The following IGF1 variants were observed in gnomAD, a reference collection of about 807,000 sequenced individuals.
The protein encoded by IGF1 is insulin-like growth factor 1.
Under a neutral mutation model 13.8 loss-of-function variants are expected in IGF1, and 4 were observed. The observed-to-expected ratio is 0.29, with a 90% confidence interval of 0.14 to 0.66. The LOEUF (loss-of-function observed/expected upper bound fraction) is 0.66. IGF1 is among the 30% of genes least tolerant of loss of function. The pLI is 0.78. For missense variants in IGF1, 124 were observed against 188.5 expected (o/e 0.66, Z 2.00); for synonymous variants, 76 against 72.6 (o/e 1.05, Z -0.23).
rs1873175422 is a variant in IGF1, at chr12:102,396,288, A to T, written c.*6219T>A. ...GTTCATTAACTCTTTTACCAAAAAG[A>T]TCTGACATGGTATTTGGGGCCTTTA... is the stretch of plus-strand genomic sequence containing the variant. On this transcript the variant is annotated 3_prime_UTR_variant, in exon 4 of 4. Coordinates refer to ENST00000337514, the MANE Select transcript of IGF1 (RefSeq NM_000618.5). 1 of 152,204 alleles carries T rather than the reference A, an allele frequency of 6.6e-6. No homozygotes were observed. The highest frequency in any genetic ancestry group is 1.5e-5 in the Non-Finnish European group (1 of 68,026). 9.4% of individuals were successfully genotyped at this position (152,204 alleles called of 1,614,324 possible).
chr12:102,419,746 C>T lies in IGF1; in HGVS notation c.221-56G>A. On this transcript the variant is annotated intron_variant, in intron 2 of 3. Transcript: ENST00000337514. ...TAGGGTGCAATCTGCTTTCTTCAGT[C>T]TTCCACCCAGCTCCTGCCTCTCCCC... 4 of 1,566,508 alleles carry T rather than the reference C, an allele frequency of 2.6e-6. No individual in the cohort carries two copies. In the Admixed American group the frequency reaches 5.0e-5, roughly 20 times the overall value.
At chr12:102,426,239 ACTC>A (rs1876191468) in intron 2 of IGF1, among the ~76,000 whole-genome samples, 1 of 152,184 alleles carries the variant, frequency 6.6e-6, no homozygotes, top group African/African-American at 2.4e-5. Flanking sequence ...TTGGCAAAGG[ACTC>A]AACCTTCTAA....
intron 2 of IGF1, among the ~76,000 whole-genome samples, chr12:102,443,459 T>C (rs1373924591): frequency 2.6e-5 from 4 of 152,102 alleles, no homozygotes; most frequent in African/African-American, 7.2e-5. Flanking sequence ...TTGCTGGGTC[T>C]TGAAGATTTT....
chr12:102,421,285 C>T (rs913531178), intron 2 of IGF1, among the ~76,000 whole-genome samples: 9 of 152,260 alleles, frequency 5.9e-5, no homozygotes, highest in Middle Eastern at 6.8e-3. Flanking sequence ...ATGGCTGTGG[C>T]ATTTGGGAGG....
chr12:102,407,399 G>A (rs1874269158), intron 3 of IGF1, among the ~76,000 whole-genome samples: 1 of 152,206 alleles, frequency 6.6e-6, no homozygotes, highest in Non-Finnish European at 1.5e-5. Context: ...GCTGGGGATT[G>A]TAGTATGTAT....
chr12:102,441,945 T>TCTTCTCCTTCTCCTTCTCCTTCTC (rs1877853329), intron 2 of IGF1, among the ~76,000 whole-genome samples: 1 of 141,968 alleles, frequency 7.0e-6, no homozygotes, highest in Admixed American at 7.7e-5. Flanking sequence ...TTCTTCTTCT[T>TCTTCTCCTTCTCCTTCTCCTTCTC]CTTCTTCTTC....
At chr12:102,475,073 T>C (rs1880930222) in intron 2 of IGF1, among the ~76,000 whole-genome samples, 1 of 152,090 alleles carries the variant, frequency 6.6e-6, no homozygotes, top group South Asian at 2.1e-4. Context: ...GGCATTTCAG[T>C]TTGCATTTAG....
chr12:102,463,504 TA>T, intron 2 of IGF1: 1 of 152,348 alleles, frequency 6.6e-6, no homozygotes, highest in Non-Finnish European at 1.5e-5. Context: ...ATTTCTTTTG[TA>T]AGCCTCCAAT....
chr12:102,418,380 A>C (rs1052100082), intron 3 of IGF1, among the ~76,000 whole-genome samples: 2 of 152,220 alleles, frequency 1.3e-5, no homozygotes, highest in Non-Finnish European at 2.9e-5. Context: ...TCCATCCTTC[A>C]GAGGGGCTCC....
chr12:102,400,793 A>G lies in IGF1; in HGVS notation c.*1714T>C. On this transcript the variant is annotated 3_prime_UTR_variant, in exon 4 of 4. Transcript: ENST00000337514. ...GAAGAGTCAGTGAGTGCTAACAAAG[A>G]GTAATTAATTCCCCTTTCACTGGTA... 1 of 152,214 alleles carries G rather than the reference A, an allele frequency of 6.6e-6. No homozygotes were observed. Among genetic ancestry groups the G allele is most frequent in the East Asian group, 1.9e-4 (1 of 5,200 alleles). 9.4% of individuals were successfully genotyped at this position (152,214 alleles called of 1,614,324 possible). A position where few individuals can be genotyped will look rare whatever the true frequency, so the allele number is the denominator to read the frequency against.
intron 2 of IGF1, among the ~76,000 whole-genome samples, chr12:102,440,709 G>A (rs138033971): frequency 1.5e-3 from 225 of 152,278 alleles, no homozygotes; most frequent in Non-Finnish European, 2.1e-3. Context: ...ATTTCTGGCA[G>A]CATTATTCAA....
At chr12:102,436,826 A>G (rs1877276196) in intron 2 of IGF1, among the ~76,000 whole-genome samples, 1 of 152,228 alleles carries the variant, frequency 6.6e-6, no homozygotes, top group Non-Finnish European at 1.5e-5. Context: ...CATAAGTGGC[A>G]GGAAGAAGGC....
chr12:102,474,406 C>T (rs1237283869), intron 2 of IGF1, among the ~76,000 whole-genome samples: 3 of 152,210 alleles, frequency 2.0e-5, no homozygotes, highest in African/African-American at 7.2e-5. Context: ...GATTTAAAAA[C>T]TATTTGTTGC....
intron 3 of IGF1, among the ~76,000 whole-genome samples, chr12:102,418,168 C>T (rs1012965096): frequency 9.9e-5 from 15 of 152,224 alleles, no homozygotes; most frequent in African/African-American, 3.6e-4. Context: ...AACTTTGGGA[C>T]TCATCTCTTG....
intron 3 of IGF1, chr12:102,417,934 C>T (rs1875303063): frequency 6.2e-7 from 1 of 1,613,826 alleles, no homozygotes; most frequent in Non-Finnish European, 8.5e-7. Flanking sequence ...TGTTCCCCTC[C>T]TGGATGTGTC....
chr12:102,470,814 A>G (rs1254471432), intron 2 of IGF1, among the ~76,000 whole-genome samples: 1 of 152,218 alleles, frequency 6.6e-6, no homozygotes, highest in African/African-American at 2.4e-5. Context: ...TTGAAAAGGT[A>G]ATAGGCTGGG....
chr12:102,480,653 C>T (rs1592844151), upstream of IGF1: 3 of 1,299,098 alleles, frequency 2.3e-6, no homozygotes, highest in Non-Finnish European at 3.0e-6. Context: ...TTCTCTCTCT[C>T]TCCCTCTTCT....
At chr12:102,457,592 T>C (rs1490230428) in intron 2 of IGF1, among the ~76,000 whole-genome samples, 2 of 152,228 alleles carry the variant, frequency 1.3e-5, no homozygotes. Flanking sequence ...CATGAAGGTG[T>C]AAATTCCACC....
intron 2 of IGF1, among the ~76,000 whole-genome samples, chr12:102,448,689 T>TAACAAAAAA (rs1466638690): frequency 9.1e-6 from 1 of 110,326 alleles, no homozygotes; most frequent in African/African-American, 3.3e-5. Context: ...TAGAGTATAA[T>TAACAAAAAA]AAAAAAAAAA....
Sources: gnomAD v4.1 joint callset for allele counts (sites outside exome capture counted in the v4.1 genomes callset) on GRCh38, gnomAD v4.1.1 for gene constraint, MANE v1.5 for transcripts, NCBI Gene and HGNC (gene_info 2026-07-23, HGNC 2026-07-21) for gene names.